Variants in KTN1 observed in about 807,000 individuals in gnomAD.
KTN1 encodes kinectin.
Under a neutral mutation model 222.5 loss-of-function variants are expected in KTN1, and 130 were observed. The ratio of observed to expected loss-of-function variants is 0.58; its 90% CI spans 0.51 to 0.68. KTN1 has a LOEUF of 0.68. KTN1 is among the 30% of genes least tolerant of loss of function. KTN1 has a pLI of 0.00. For synonymous variants in KTN1, 512 were observed against 496.3 expected, an observed-to-expected ratio of 1.03 and a Z score of -0.42; for missense variants, 1,508 against 1,500.4, an observed-to-expected ratio of 1.01 and a Z score of -0.08.
chr14:55,673,802 G>A (rs1192401290), intron 40 of KTN1: 3 of 152,076 alleles, frequency 2.0e-5, no homozygotes, highest in East Asian at 3.8e-4. Flanking sequence ...AATCCTAAAA[G>A]CATAGGCTTT....
intron 1 of KTN1, among the ~76,000 whole-genome samples, chr14:55,605,665 G>A (rs2036621826): frequency 6.6e-6 from 1 of 152,138 alleles, no homozygotes; most frequent in African/African-American, 2.4e-5. Flanking sequence ...GGGACTAAAA[G>A]CCAAGACTCT....
Position 55,664,017 on chromosome 14 carries a change from G to A in KTN1, c.3153G>A (p.Gln1051=), listed in dbSNP as rs762584435. 8 of 1,611,934 alleles carry A rather than the reference G, an allele frequency of 5.0e-6. No individual in the cohort carries two copies. The East Asian group carries it at 1.8e-4, about 36-fold the overall frequency. ...TGGCATCAACTGAAAAAATGCTGCA[G>A]GACAAAGTGAACAAGACTTCCAAGG... The part of the protein sequence containing the change: ...EALASTEKML[Q]DKVNKTSKER... Residue 1051 remains glutamine, a synonymous_variant, in exon 33 of 44, where the codon CAG becomes CAA. Coordinates refer to ENST00000395314, the MANE Select transcript of KTN1 (RefSeq NM_001079521.2).
At chr14:55,667,094 G>A in intron 33 of KTN1, 147 bp from the exon 34 acceptor site, 1 of 552,500 alleles carries the variant, frequency 1.8e-6, no homozygotes, top group Non-Finnish European at 3.1e-6. Context: ...ATCTTAAAGT[G>A]GGAAATTTTA....
intron 1 of KTN1, among the ~76,000 whole-genome samples, chr14:55,604,211 C>A (rs915786867): frequency 1.3e-5 from 2 of 152,176 alleles, no homozygotes; most frequent in Non-Finnish European, 2.9e-5. Context: ...TCTACCCGAA[C>A]CACGTTGTCC....
chr14:55,670,874 C>A (rs996983459), intron 35 of KTN1, 65 bp downstream of exon 35: 2 of 1,062,584 alleles, frequency 1.9e-6, no homozygotes, highest in Non-Finnish European at 2.8e-6. Context: ...AAGATTTTGT[C>A]TTCATAAGCT....
At chr14:55,671,737 T>C (rs570083364) in intron 36 of KTN1, 48 bp from the exon 37 acceptor site, 1 of 1,530,250 alleles carries the variant, frequency 6.5e-7, no homozygotes, top group African/African-American at 1.4e-5. Flanking sequence ...AGTTTTATCT[T>C]GGCATTAGAA....
intron 12 of KTN1, among the ~76,000 whole-genome samples, chr14:55,638,227 A>G (rs2041361034): frequency 6.6e-6 from 1 of 151,942 alleles, no homozygotes; most frequent in Admixed American, 6.6e-5. Context: ...GGGGAACAGT[A>G]TGGTAACCAT....
intron 8 of KTN1, 55 bp downstream of exon 8, chr14:55,633,396 C>A: frequency 9.5e-7 from 1 of 1,050,048 alleles, no homozygotes; most frequent in Non-Finnish European, 1.4e-6. Flanking sequence ...TTTCTTGAAT[C>A]ATCAAAATAT....
At chr14:55,647,042 G>A (rs777890013) in intron 19 of KTN1, 35 bp downstream of exon 19, 2 of 1,277,972 alleles carry the variant, frequency 1.6e-6, no homozygotes, top group African/African-American at 1.5e-5. Flanking sequence ...ATTTTGATGA[G>A]TTACTTCTAC....
At chr14:55,596,849 T>G (rs1947658611) in intron 1 of KTN1, among the ~76,000 whole-genome samples, 1 of 152,090 alleles carries the variant, frequency 6.6e-6, no homozygotes, top group Admixed American at 6.5e-5. Context: ...GACTTAAACT[T>G]TGTTAATATA....
At chr14:55,609,965 T>A (rs560970442) in intron 1 of KTN1, among the ~76,000 whole-genome samples, 1 of 152,352 alleles carries the variant, frequency 6.6e-6, no homozygotes, top group South Asian at 2.1e-4. Context: ...TGTCTAATTT[T>A]AAAACCTGGA....
At chr14:55,599,585 C>T (rs534445345) in intron 1 of KTN1, among the ~76,000 whole-genome samples, 1 of 152,164 alleles carries the variant, frequency 6.6e-6, no homozygotes, top group Non-Finnish European at 1.5e-5. Context: ...AGCGATTCTC[C>T]TGCCTCAGCC....
intron 18 of KTN1, among the ~76,000 whole-genome samples, chr14:55,645,638 C>T (rs1232079911): frequency 2.0e-5 from 3 of 152,092 alleles, no homozygotes; most frequent in Non-Finnish European, 4.4e-5. Context: ...TAGTATAAAC[C>T]TGATTTAATG....
chr14:55,599,194 T>G (rs947187979), intron 1 of KTN1, among the ~76,000 whole-genome samples: 3 of 152,300 alleles, frequency 2.0e-5, no homozygotes, highest in Non-Finnish European at 4.4e-5. Context: ...TATGAGTGTT[T>G]TCTGTGTTTC....
chr14:55,646,041 G>C (rs74829671), intron 18 of KTN1, among the ~76,000 whole-genome samples: 11,640 of 152,136 alleles, frequency 0.077, 496 homozygotes, highest in South Asian at 0.12. Context: ...CTGCTTGGCT[G>C]TCTGAAGATA....
intron 18 of KTN1, 50 bp downstream of exon 18, chr14:55,641,810 A>G: frequency 8.9e-7 from 1 of 1,128,466 alleles, no homozygotes; most frequent in Middle Eastern, 2.4e-4. Flanking sequence ...ATATAACAAG[A>G]TCTGGTTCTT....
At chr14:55,624,011 A>G (rs937217536) in intron 5 of KTN1, among the ~76,000 whole-genome samples, 2 of 152,190 alleles carry the variant, frequency 1.3e-5, no homozygotes, top group African/African-American at 2.4e-5. Context: ...AAGAAGTTGG[A>G]AACTATTAAA....
chr14:55,602,392 A>G (rs148418744), intron 1 of KTN1, among the ~76,000 whole-genome samples: 1 of 152,326 alleles, frequency 6.6e-6, no homozygotes, highest in Non-Finnish European at 1.5e-5. Flanking sequence ...TGCTCTAGTT[A>G]GGTTTGTAGA....
At chr14:55,606,278 T>C (rs1280049353) in intron 1 of KTN1, among the ~76,000 whole-genome samples, 1 of 152,196 alleles carries the variant, frequency 6.6e-6, no homozygotes, top group African/African-American at 2.4e-5. Flanking sequence ...TGATTTATAC[T>C]GGAATTTTTA....
Sources: allele counts gnomAD v4.1 joint callset (sites outside exome capture counted in the v4.1 genomes callset), GRCh38; gene constraint gnomAD v4.1.1; transcripts MANE v1.5; gene names NCBI Gene and HGNC (gene_info 2026-07-23, HGNC 2026-07-21).